HIBADH: variants seen among roughly 807,000 people sequenced by gnomAD.
HIBADH encodes 3-hydroxyisobutyrate dehydrogenase, mitochondrial.
In HIBADH, 25 loss-of-function variants were observed where a neutral mutation model predicts 36.1. The observed-to-expected ratio is 0.69, with a 90% CI of 0.50 to 0.97. The LOEUF is 0.97. HIBADH is among the 50% of genes least tolerant of loss of function. HIBADH has a pLI of 0.00. For synonymous variants in HIBADH, 160 were observed against 149.5 expected (o/e 1.07, Z -0.51); for missense variants, 421 against 418.0 (o/e 1.01, Z -0.06).
At chr7:27,594,735 G>A (rs12113593) in intron 4 of HIBADH, among the ~76,000 whole-genome samples, 2 of 151,948 alleles carry the variant, frequency 1.3e-5, no homozygotes, top group African/African-American at 4.8e-5. Flanking sequence ...ATAAAGCAAC[G>A]GAAAGTTGTC....
chr7:27,581,594 T>C (rs568851264), intron 4 of HIBADH, among the ~76,000 whole-genome samples: 119 of 152,320 alleles, frequency 7.8e-4, no homozygotes, highest in African/African-American at 2.7e-3. Context: ...ATTTTATAGA[T>C]TTATGATATA....
chr7:27,624,723 C>T (rs938005112), intron 4 of HIBADH, among the ~76,000 whole-genome samples: 4 of 152,212 alleles, frequency 2.6e-5, no homozygotes, highest in African/African-American at 9.6e-5. Flanking sequence ...TCATATCAGT[C>T]CTTCAATTCT....
chr7:27,614,602 G>C (rs1188170628), intron 4 of HIBADH, among the ~76,000 whole-genome samples: 1 of 152,166 alleles, frequency 6.6e-6, no homozygotes, highest in Admixed American at 6.5e-5. Context: ...GCATAACACA[G>C]TTGTCCTTGC....
intron 6 of HIBADH, among the ~76,000 whole-genome samples, chr7:27,536,399 G>GT (rs1784070500): frequency 6.6e-6 from 1 of 151,958 alleles, no homozygotes; most frequent in African/African-American, 2.4e-5. Flanking sequence ...TATATTTTAT[G>GT]TTATATATAT....
intron 4 of HIBADH, among the ~76,000 whole-genome samples, chr7:27,587,437 T>C (rs1784881350): frequency 1.3e-5 from 2 of 151,990 alleles, no homozygotes; most frequent in South Asian, 2.1e-4. Flanking sequence ...ACAAGTTATA[T>C]TGGACAAAAA....
intron 1 of HIBADH, among the ~76,000 whole-genome samples, chr7:27,655,422 A>G (rs1417477324): frequency 6.6e-6 from 1 of 152,198 alleles, no homozygotes; most frequent in Non-Finnish European, 1.5e-5. Flanking sequence ...CGGGATAGGT[A>G]TATATGTGGA....
intron 2 of HIBADH, among the ~76,000 whole-genome samples, chr7:27,642,698 C>T (rs1345028255): frequency 1.5e-5 from 2 of 133,652 alleles, no homozygotes; most frequent in African/African-American, 5.7e-5. Context: ...GTCGCCCAGG[C>T]TGGAGTGCAG....
intron 4 of HIBADH, among the ~76,000 whole-genome samples, chr7:27,558,244 TACC>T (rs921990804): frequency 6.6e-6 from 1 of 152,222 alleles, no homozygotes; most frequent in South Asian, 2.1e-4. Context: ...TAATTCCAAT[TACC>T]ACATTTGTCA....
chr7:27,569,247 T>A (rs1339884569), intron 4 of HIBADH, among the ~76,000 whole-genome samples: 1 of 152,228 alleles, frequency 6.6e-6, no homozygotes, highest in African/African-American at 2.4e-5. Context: ...TCTTAAAGCA[T>A]GGTTATAACA....
chr7:27,640,240 C>A (rs538206525), intron 2 of HIBADH, among the ~76,000 whole-genome samples: 1 of 152,248 alleles, frequency 6.6e-6, no homozygotes, highest in Admixed American at 6.5e-5. Context: ...TCCTTAAAAA[C>A]CCACCTGGGG....
chr7:27,541,078 C>A (rs117763822), intron 5 of HIBADH, among the ~76,000 whole-genome samples: 1 of 151,788 alleles, frequency 6.6e-6, no homozygotes, highest in Non-Finnish European at 1.5e-5. Context: ...TCCTTTCCTG[C>A]CTTAAATCCT....
chr7:27,534,174 A>T (rs887421204), intron 6 of HIBADH, among the ~76,000 whole-genome samples: 50 of 152,346 alleles, frequency 3.3e-4, no homozygotes, highest in Middle Eastern at 6.8e-3. Flanking sequence ...AAAAAAATTT[A>T]AAAAATTAAA....
chr7:27,626,204 T>C (rs1210814727), intron 4 of HIBADH, among the ~76,000 whole-genome samples: 3 of 150,168 alleles, frequency 2.0e-5, no homozygotes, highest in Admixed American at 1.3e-4. Flanking sequence ...TGCATGCCAG[T>C]ATCAAAACAT....
intron 1 of HIBADH, among the ~76,000 whole-genome samples, chr7:27,654,840 C>T (rs1786268341): frequency 6.6e-6 from 1 of 152,066 alleles, no homozygotes; most frequent in Admixed American, 6.6e-5. Context: ...CACATGCCAC[C>T]AGTCCTGGCT....
chr7:27,634,381 T>C (rs989357680), intron 2 of HIBADH, among the ~76,000 whole-genome samples: 8 of 152,104 alleles, frequency 5.3e-5, no homozygotes, highest in Non-Finnish European at 1.0e-4. Flanking sequence ...TTAAGTTGCA[T>C]GAAAACCTTT....
chr7:27,645,677 C>T (rs759505024), intron 2 of HIBADH, among the ~76,000 whole-genome samples: 3 of 152,078 alleles, frequency 2.0e-5, no homozygotes, highest in African/African-American at 2.4e-5. Flanking sequence ...CCACCTCACC[C>T]GGCTGTTCTG....
In HIBADH at chr7:27,531,300, T is replaced by C. The variant is rs755006413; in HGVS notation, c.744A>G (p.Ser248=). ...KLLAKILNMS[S]GRCWSSDTYN... is the part of the protein sequence containing the mutation. ...AAGTGTCACTTGACCAACACCGTCC[T>C]GAGCTCATATTTAGGATTTTAGCCA... The change falls in exon 7 of 8, where the codon TCA becomes TCG. Residue 248 remains serine (S), a synonymous_variant. Coordinates refer to ENST00000265395, the MANE Select transcript of HIBADH (RefSeq NM_152740.4). 1.2e-6 allele frequency: 2 copies of C among 1,613,776 alleles called. No homozygotes were observed. The highest frequency in any genetic ancestry group is 1.7e-6 in the Non-Finnish European group (2 of 1,179,798).
At chr7:27,621,825 C>G (rs1785549021) in intron 4 of HIBADH, among the ~76,000 whole-genome samples, 1 of 150,614 alleles carries the variant, frequency 6.6e-6, no homozygotes, top group Non-Finnish European at 1.5e-5. Context: ...TGTTAAGTAT[C>G]TCTTCGCGCC....
intron 4 of HIBADH, among the ~76,000 whole-genome samples, chr7:27,603,202 C>T (rs959065687): frequency 6.6e-6 from 1 of 152,080 alleles, no homozygotes; most frequent in Non-Finnish European, 1.5e-5. Flanking sequence ...CAGTTAATAT[C>T]TCTTCTTTTT....
Sources: allele counts gnomAD v4.1 joint callset (sites outside exome capture counted in the v4.1 genomes callset), GRCh38; gene constraint gnomAD v4.1.1; transcripts MANE v1.5; gene names NCBI Gene and HGNC (gene_info 2026-07-23, HGNC 2026-07-21).